MED1: variants seen among roughly 807,000 people sequenced by gnomAD.
The protein encoded by MED1 is mediator of RNA polymerase II transcription subunit 1.
MED1 carries 17 observed loss-of-function variants against 121.3 expected under a neutral mutation model. That is an observed-to-expected ratio of 0.14 (90% CI 0.10 to 0.21). MED1 has a LOEUF of 0.21. MED1 is among the 10% of genes least tolerant of loss of function. MED1 has a pLI of 1.00. For missense variants in MED1, 1,558 were observed against 1,919.4 expected, an observed-to-expected ratio of 0.81 and a Z score of 3.52; for synonymous variants, 661 against 694.4, an observed-to-expected ratio of 0.95 and a Z score of 0.76.
chr17:39,432,112 G>A (rs1162121107), intron 7 of MED1, 96 bp from the exon 8 acceptor site: 3 of 822,706 alleles, frequency 3.6e-6, no homozygotes, highest in Non-Finnish European at 4.0e-6. Context: ...GGAGGCTGAG[G>A]CGGGCAGATC....
At chr17:39,415,989 C>CAA (rs78988735) in intron 14 of MED1, among the ~76,000 whole-genome samples, 60 of 96,362 alleles carry the variant, frequency 6.2e-4, no homozygotes, top group African/African-American at 2.1e-3. Flanking sequence ...CACTCTGTCT[C>CAA]AAAAAAAAAA....
rs189350210 is a variant in MED1 at position 39,413,728 on chromosome 17, T to C, written c.1499+1298A>G. 7.9e-5 allele frequency among the ~76,000 whole-genome samples: 12 copies of C among 151,504 alleles called. No individual in the cohort carries two copies. The East Asian group carries it at 1.9e-3, about 25-fold the overall frequency. On this transcript the variant is annotated intron_variant, in intron 16 of 16. Coordinates refer to ENST00000300651, the MANE Select transcript of MED1 (RefSeq NM_004774.4). ...CAGCCTGGGTAACAGAGTGAGACTC[T>C]TGTCTCAAAATAAAAAAATAAAAGA...
chr17:39,421,583 T>C (rs1030744224), intron 13 of MED1, among the ~76,000 whole-genome samples: 1 of 151,840 alleles, frequency 6.6e-6, no homozygotes, highest in African/African-American at 2.4e-5. Context: ...AGAGAGGATT[T>C]TGCCACGTTG....
At chr17:39,420,089 T>C in intron 13 of MED1, among the ~76,000 whole-genome samples, 171 bp from the exon 14 acceptor site, 1 of 152,202 alleles carries the variant, frequency 6.6e-6, no homozygotes, top group East Asian at 1.9e-4. Context: ...GCTGAAAAGA[T>C]GTCTTTTTAG....
chr17:39,444,358 T>C (rs974912805), intron 2 of MED1, among the ~76,000 whole-genome samples: 1 of 151,278 alleles, frequency 6.6e-6, no homozygotes, highest in African/African-American at 2.4e-5. Context: ...AATACAAAAA[T>C]TATCTGGGCG....
chr17:39,426,691 C>T lies in MED1; in HGVS notation c.739+1010G>A, dbSNP rs144315716. Among the ~76,000 whole-genome samples the T allele has an allele frequency of 2.6e-5, 4 of 151,956 alleles. No individual in the cohort carries two copies. The East Asian group carries it at 5.9e-4, about 22-fold the overall frequency. On this transcript the variant is annotated intron_variant, in intron 10 of 16. Coordinates refer to ENST00000300651, the MANE Select transcript of MED1 (RefSeq NM_004774.4). ...CTGGGATTACAAGCATGGGCCATCA[C>T]GCCTGGCTAATTTTGTATTTTTAGT... is the stretch of plus-strand genomic sequence containing the variant.
intron 9 of MED1, among the ~76,000 whole-genome samples, chr17:39,428,220 C>T (rs771303594): frequency 2.6e-4 from 40 of 152,254 alleles, no homozygotes; most frequent in Admixed American, 2.0e-4. Context: ...TGCGGTGGCT[C>T]ATGCCTGTAA....
In MED1 at chr17:39,431,927, T is replaced by G. The variant is rs757677937; in HGVS notation, c.575+15A>C. The G allele has an allele frequency of 3.8e-6, 6 of 1,560,106 alleles. No homozygotes were observed. In the Admixed American group the frequency reaches 8.4e-5, roughly 22 times the overall value. On this transcript the variant is annotated intron_variant, in intron 8 of 16. Transcript: ENST00000300651. ...CTCAAGGGATCATGTAGAATTAAGG[T>G]TTTAGCAGTCTTACCAGTACATAAT...
intron 10 of MED1, among the ~76,000 whole-genome samples, chr17:39,425,167 A>T (rs2048503663): frequency 6.6e-6 from 1 of 151,880 alleles, no homozygotes; most frequent in Non-Finnish European, 1.5e-5. Context: ...GTGGGATTAC[A>T]GGTGTGAATC....
At chr17:39,428,186 T>TA (rs2048532681) in intron 9 of MED1, among the ~76,000 whole-genome samples, 1 of 151,942 alleles carries the variant, frequency 6.6e-6, no homozygotes, top group Non-Finnish European at 1.5e-5. Flanking sequence ...CCATCTCTAC[T>TA]AAAAATACAA....
chr17:39,427,076 A>G lies in MED1; in HGVS notation c.739+625T>C, dbSNP rs556444751. On this transcript the variant is annotated intron_variant, in intron 10 of 16. Coordinates refer to ENST00000300651, the MANE Select transcript of MED1 (RefSeq NM_004774.4). Reference sequence around the variant, plus strand: ...GCTAGGACTACAGGCATAAACTACCAGGCCCATCCTTCTACACTTTTTAAA... The same window carrying G: ...GCTAGGACTACAGGCATAAACTACCGGGCCCATCCTTCTACACTTTTTAAA... Among the ~76,000 whole-genome samples the G allele has an allele frequency of 2.8e-4, 43 of 152,288 alleles. 1 individual carries two copies. The highest frequency in any genetic ancestry group is 2.6e-3 in the Admixed American group (40 of 15,258).
At chr17:39,441,044 CAA>C (rs1200569561) in intron 3 of MED1, among the ~76,000 whole-genome samples, 4 of 151,816 alleles carry the variant, frequency 2.6e-5, no homozygotes, top group African/African-American at 9.7e-5. Flanking sequence ...TCACAACAGT[CAA>C]AAGGTTAAAA....
In MED1 at chr17:39,431,131, G is replaced by C. The variant is rs373989010; in HGVS notation, c.633C>G (p.Leu211=). ...DKILHGSVGY[L]TPRSGGHLMN... ...ATCACGTACCCCCACTCCTTGGTGT[G>C]AGATAGCCAACACTTCCATGAAGAA... The change falls in exon 9 of 17, where the codon CTC becomes CTG. Residue 211 remains leucine (L), a synonymous_variant. Transcript: ENST00000300651. The C allele has an allele frequency of 1.9e-6, 3 of 1,613,190 alleles. No individual in the cohort carries two copies. The African/African-American group carries it at 4.0e-5, about 22-fold the overall frequency.
chr17:39,414,874 T>C (rs2048393877), intron 16 of MED1, 152 bp downstream of exon 16: 1 of 640,140 alleles, frequency 1.6e-6, no homozygotes. Flanking sequence ...TTCACCATGT[T>C]AGCCAGAATG....
Position 39,432,020 on chromosome 17 carries a change from G to A in MED1, c.501-4C>T. On this transcript the variant is annotated splice_polypyrimidine_tract_variant and splice_region_variant and intron_variant, in intron 7 of 16. Transcript: ENST00000300651. ...GTACATTTTAGTCTTCAGTTTGCTG[G>A]AGAGTAGATGAGAAGAACATGAGTT... 1.9e-6 allele frequency: 3 copies of A among 1,588,740 alleles called. No homozygotes were observed. The highest frequency in any genetic ancestry group is 1.7e-6 in the Non-Finnish European group (2 of 1,157,272).
chr17:39,446,338 T>C (rs528903010), intron 2 of MED1, among the ~76,000 whole-genome samples: 3 of 149,178 alleles, frequency 2.0e-5, no homozygotes, highest in African/African-American at 7.4e-5. Flanking sequence ...TAGTCCCAGC[T>C]ACTCGGGAGG....
intron 13 of MED1, among the ~76,000 whole-genome samples, chr17:39,420,356 C>G (rs927625892): frequency 6.6e-6 from 1 of 151,820 alleles, no homozygotes; most frequent in African/African-American, 2.4e-5. Flanking sequence ...CCCGCCACCA[C>G]GCCCGGCTAA....
chr17:39,409,455 G>A lies in MED1; in HGVS notation c.2766C>T (p.Gly922=), dbSNP rs201296440. The change falls in exon 17 of 17, where the codon GGC becomes GGT. Residue 922 remains glycine, a synonymous_variant. Transcript: ENST00000300651. ...AATCAACTGTGTCGGCTTGGTTATT[G>A]CCCTTAAACTTGGTCTCCCCATTAT... ...GGDNGETKFK[G]NNQADTVDFS... 2.5e-6 allele frequency: 4 copies of A among 1,613,958 alleles called. No homozygotes were observed. The highest frequency in any genetic ancestry group is 2.2e-5 in the East Asian group (1 of 44,892).
intron 6 of MED1, among the ~76,000 whole-genome samples, chr17:39,438,927 C>T (rs1448829441): frequency 6.6e-6 from 1 of 152,010 alleles, no homozygotes; most frequent in African/African-American, 2.4e-5. Context: ...CCAGCCTGGG[C>T]AATAGAGCAA....
Sources: gnomAD v4.1 joint callset for allele counts (sites outside exome capture counted in the v4.1 genomes callset) on GRCh38, gnomAD v4.1.1 for gene constraint, MANE v1.5 for transcripts, NCBI Gene and HGNC (gene_info 2026-07-23, HGNC 2026-07-21) for gene names.